The following DNAH14 variants were observed in gnomAD, a reference collection of about 807,000 sequenced individuals.
DNAH14 encodes axonemal beta dynein heavy chain 14.
Under a neutral mutation model 520.9 loss-of-function variants are expected in DNAH14, and 478 were observed. The ratio of observed to expected loss-of-function variants is 0.92; its 90% confidence interval spans 0.85 to 0.99. The LOEUF (loss-of-function observed/expected upper bound fraction) is 0.99, where lower values mean the gene tolerates loss of function less well. DNAH14 is among the 50% of genes least tolerant of loss of function. The probability of loss-of-function intolerance (pLI) is 0.00; values close to 1 mark genes in which losing one functional copy is unlikely to be tolerated. For synonymous variants in DNAH14, 1,581 were observed against 1,757.2 expected, an observed-to-expected ratio of 0.90 and a Z score of 2.51; for missense variants, 4,831 against 5,234.5, an observed-to-expected ratio of 0.92 and a Z score of 2.38.
In DNAH14 at chr1:225,080,512, G is replaced by C; in HGVS notation, c.2900G>C (p.Ser967Thr). Reference protein sequence around the residue: ...KAYSHYQDCFSDSQSHMHSVN... With the variant: ...KAYSHYQDCFTDSQSHMHSVN... Reference sequence around the variant, plus strand: ...TATTCACATTATCAGGATTGTTTCAGTGATTCTCAATCTCATATGCATTCT... The same window carrying C: ...TATTCACATTATCAGGATTGTTTCACTGATTCTCAATCTCATATGCATTCT... Residue 967 changes from serine (S) to threonine (T), a missense_variant, in exon 19 of 86, where the codon AGT (serine) becomes ACT (threonine). By Grantham distance (58) the Ser-to-Thr change is moderately conservative (BLOSUM62 1). Transcript: ENST00000682510. 1 of 1,551,864 alleles carries C rather than the reference G, an allele frequency of 6.4e-7. No individual in the cohort carries two copies. Among genetic ancestry groups the C allele is most frequent in the East Asian group, 2.4e-5 (1 of 40,914 alleles).
rs776314516 is a variant in DNAH14, at chr1:225,205,985, T to C, written c.5992T>C (p.Trp1998Arg). Residue 1998 changes from tryptophan (W) to arginine (R), a missense_variant, in exon 40 of 86, where the codon TGG (tryptophan) becomes CGG (arginine). Trp to Arg is a moderately radical substitution (Grantham distance 101). Coordinates refer to ENST00000682510, the MANE Select transcript of DNAH14 (RefSeq NM_001367479.1). ...IPENHNFDWQ[W>R]IILDGPVDTF... Reference sequence around the variant, plus strand: ...TTTCTCTCCAGATTTTGATTGGCAGTGGATTATCCTAGATGGCCCAGTGGA... The same window carrying C: ...TTTCTCTCCAGATTTTGATTGGCAGCGGATTATCCTAGATGGCCCAGTGGA... The C allele has an allele frequency of 5.8e-6, 9 of 1,550,906 alleles. No homozygotes were observed. Among genetic ancestry groups the C allele is most frequent in the Non-Finnish European group, 7.8e-6 (9 of 1,146,568 alleles).
At chr1:225,010,522 T>A (rs1342050395) in intron 10 of DNAH14, among the ~76,000 whole-genome samples, 2 of 152,176 alleles carry the variant, frequency 1.3e-5, no homozygotes, top group Admixed American at 6.5e-5. Flanking sequence ...GATTTTTGCA[T>A]CGATGTTCAT....
At chr1:225,365,654 G>A (rs778884894) in intron 76 of DNAH14, among the ~76,000 whole-genome samples, 2 of 152,146 alleles carry the variant, frequency 1.3e-5, no homozygotes, top group Non-Finnish European at 2.9e-5. Context: ...GGGGCAGACA[G>A]AACAGGGACT....
intron 6 of DNAH14, 125 bp downstream of exon 6, chr1:224,967,708 A>G (rs1464393196): frequency 6.3e-7 from 1 of 1,590,820 alleles, no homozygotes; most frequent in Admixed American, 1.8e-5. Flanking sequence ...GGAGCAGTTT[A>G]TATATAAGAA....
At position 225,264,237 on chromosome 1, in the gene DNAH14, C is replaced by T; in HGVS notation, c.7198C>T (p.His2400Tyr). Residue 2400 changes from histidine (H) to tyrosine (Y), a missense_variant, in exon 47 of 86, where the codon CAT becomes TAT. Coordinates refer to ENST00000682510, the MANE Select transcript of DNAH14 (RefSeq NM_001367479.1). ...QNITILIPETHKTATGSSDNP... is the reference protein window; with the variant it reads ...QNITILIPETYKTATGSSDNP... Reference sequence around the variant, plus strand: ...TATCACCATCTTGATTCCTGAAACTCATAAGACAGCAACTGGAAGTTCAGG... The same window carrying T: ...TATCACCATCTTGATTCCTGAAACTTATAAGACAGCAACTGGAAGTTCAGG... 1 of 1,549,962 alleles carries T rather than the reference C, an allele frequency of 6.5e-7. No individual in the cohort carries two copies. Among genetic ancestry groups the T allele is most frequent in the Non-Finnish European group, 8.7e-7 (1 of 1,145,842 alleles).
chr1:225,120,714 G>A (rs2077222592), intron 26 of DNAH14, among the ~76,000 whole-genome samples: 2 of 152,196 alleles, frequency 1.3e-5, no homozygotes, highest in Non-Finnish European at 1.5e-5. Context: ...TACCCCTGGG[G>A]TGATATGATA....
At chr1:225,093,334 A>G (rs964863849) in intron 21 of DNAH14, among the ~76,000 whole-genome samples, 3 of 152,212 alleles carry the variant, frequency 2.0e-5, no homozygotes, top group Non-Finnish European at 4.4e-5. Context: ...CAACATACAC[A>G]AATGAATAAA....
At chr1:225,019,407 T>C (rs2456343) in intron 10 of DNAH14, among the ~76,000 whole-genome samples, 137,658 of 152,224 alleles carry the variant, frequency 0.9, 63,792 homozygotes, top group East Asian at 1. Flanking sequence ...TATTGGAGCA[T>C]CTAGATTCAT....
In DNAH14 at chr1:225,269,555, G is replaced by A. The variant is rs141113043; in HGVS notation, c.7540-1180G>A. Reference sequence around the variant, plus strand: ...GAGTGAACAGGCAACCTACAGAATGGGAGGAAATTTTTACAATCTGCCCAT... The same window carrying A: ...GAGTGAACAGGCAACCTACAGAATGAGAGGAAATTTTTACAATCTGCCCAT... On this transcript the variant is annotated intron_variant, in intron 49 of 85. Transcript: ENST00000682510. 4.2e-3 allele frequency among the ~76,000 whole-genome samples: 643 copies of A among 152,212 alleles called. 2 individuals carry two copies. Among genetic ancestry groups the A allele is most frequent in the Middle Eastern group, 0.024 (7 of 294 alleles).
chr1:224,992,764 A>G (rs2063145463), intron 8 of DNAH14, among the ~76,000 whole-genome samples: 2 of 152,054 alleles, frequency 1.3e-5, no homozygotes, highest in South Asian at 4.1e-4. Flanking sequence ...GTGAGAGTGG[A>G]CATCCTTGTT....
At chr1:225,061,036 A>G (rs2069996093) in intron 17 of DNAH14, among the ~76,000 whole-genome samples, 1 of 151,566 alleles carries the variant, frequency 6.6e-6, no homozygotes, top group Non-Finnish European at 1.5e-5. Flanking sequence ...ACTCTCTTCA[A>G]AGCTGTCAGA....
Position 225,392,534 on chromosome 1 carries a change from C to T in DNAH14, c.13491+83C>T, listed in dbSNP as rs2095932373. On this transcript the variant is annotated intron_variant, in intron 84 of 85. Transcript: ENST00000682510. ...TCAATCAATTGTGCCCTTTACAAACCTTTACTCAGCACTTACCACATGCCA... is the reference window on the plus strand; with the variant it reads ...TCAATCAATTGTGCCCTTTACAAACTTTTACTCAGCACTTACCACATGCCA... 12 of 1,493,126 alleles carry T rather than the reference C, an allele frequency of 8.0e-6. No individual in the cohort carries two copies. In the Middle Eastern group the frequency reaches 1.0e-3, roughly 129 times the overall value. The allele number at this position is 1,493,126 out of a possible 1,614,324, so 92.5% of individuals were successfully genotyped here. A position where few individuals can be genotyped will look rare whatever the true frequency, so the allele number is the denominator to read the frequency against.
At chr1:225,379,123 C>T (rs1009357817) in intron 79 of DNAH14, among the ~76,000 whole-genome samples, 1 of 152,158 alleles carries the variant, frequency 6.6e-6, no homozygotes, top group Non-Finnish European at 1.5e-5. Context: ...CTCCTCCTGT[C>T]ACCACCCGCG....
In DNAH14 at chr1:225,346,231, G is replaced by A; in HGVS notation, c.10948G>A (p.Glu3650Lys). The change falls in exon 70 of 86, where the codon GAA (glutamate) becomes AAA (lysine). Residue 3650 changes from glutamate (E) to lysine (K), a missense_variant. Transcript: ENST00000682510. ...AGTAGTTTCCAAAAGCAAAGAACAAGAACATAGTTTTAAAAGGGAGAAAGT... is the reference window on the plus strand; with the variant it reads ...AGTAGTTTCCAAAAGCAAAGAACAAAAACATAGTTTTAAAAGGGAGAAAGT... ...SSVVSKSKEQ[E>K]HSFKREKVSP... 1.3e-6 allele frequency: 2 copies of A among 1,551,556 alleles called. No individual in the cohort carries two copies. Among genetic ancestry groups the A allele is most frequent in the Non-Finnish European group, 1.7e-6 (2 of 1,146,954 alleles).
At chr1:225,393,753 G>T (rs541121484) in intron 84 of DNAH14, among the ~76,000 whole-genome samples, 142 of 152,084 alleles carry the variant, frequency 9.3e-4, no homozygotes, top group African/African-American at 2.1e-3. Flanking sequence ...GCCAACACTC[G>T]GTATTTTTAG....
intron 52 of DNAH14, among the ~76,000 whole-genome samples, chr1:225,274,854 C>T (rs2093427047): frequency 6.6e-6 from 1 of 152,150 alleles, no homozygotes; most frequent in African/African-American, 2.4e-5. Context: ...TCAGTTTATA[C>T]AATATCACTT....
intron 26 of DNAH14, among the ~76,000 whole-genome samples, chr1:225,122,254 A>G (rs1175082663): frequency 6.6e-6 from 1 of 152,082 alleles, no homozygotes; most frequent in East Asian, 1.9e-4. Flanking sequence ...TTATCTTTTC[A>G]TATTTATACT....
At chr1:225,243,241 C>A (rs1451978718) in intron 43 of DNAH14, among the ~76,000 whole-genome samples, 1 of 151,830 alleles carries the variant, frequency 6.6e-6, no homozygotes, top group East Asian at 1.9e-4. Context: ...TATCTTAAAA[C>A]AATGAATATG....
chr1:225,105,260 A>G (rs893790741), intron 23 of DNAH14, among the ~76,000 whole-genome samples: 7 of 152,108 alleles, frequency 4.6e-5, no homozygotes, highest in African/African-American at 1.7e-4. Flanking sequence ...ACAGTTTGTT[A>G]TAATTTCTGA....
Sources: gnomAD v4.1 joint callset for allele counts (sites outside exome capture counted in the v4.1 genomes callset) on GRCh38, gnomAD v4.1.1 for gene constraint, MANE v1.5 for transcripts, NCBI Gene and HGNC (gene_info 2026-07-23, HGNC 2026-07-21) for gene names.